The following MYOM3 variants were observed in gnomAD, a reference collection of about 807,000 sequenced individuals.
MYOM3 encodes myomesin-3.
A neutral mutation model predicts 191.7 loss-of-function variants in MYOM3; 155 were observed. That is an observed-to-expected ratio of 0.81 (90% CI 0.71 to 0.92). The LOEUF is 0.92. MYOM3 is among the 40% of genes least tolerant of loss of function. The pLI, the probability that MYOM3 is intolerant of heterozygous loss-of-function variation, is 0.00. For missense variants in MYOM3, 1,889 were observed against 1,890.6 expected (o/e 1.00, Z 0.02); for synonymous variants, 757 against 762.9 (o/e 0.99, Z 0.13).
chr1:24,070,641 A>G (rs753292708), intron 25 of MYOM3, among the ~76,000 whole-genome samples: 23 of 152,194 alleles, frequency 1.5e-4, no homozygotes, highest in Non-Finnish European at 2.8e-4. Flanking sequence ...AGACTGAGGC[A>G]GAAGGAGTAC....
At chr1:24,093,187 T>G in intron 9 of MYOM3, 79 bp from the exon 10 acceptor site, 2 of 863,740 alleles carry the variant, frequency 2.3e-6, no homozygotes, top group South Asian at 1.5e-5. Context: ...CTGGGGGGTC[T>G]GGAGACCCTG....
chr1:24,081,542 A>C, intron 18 of MYOM3, 86 bp from the exon 19 acceptor site: 1 of 1,503,806 alleles, frequency 6.6e-7, no homozygotes, highest in Non-Finnish European at 9.1e-7. Flanking sequence ...GACTCAGAGC[A>C]GGTGGTCTGT....
chr1:24,069,516 A>G (rs1276708343), intron 25 of MYOM3, among the ~76,000 whole-genome samples: 1 of 152,134 alleles, frequency 6.6e-6, no homozygotes, highest in Non-Finnish European at 1.5e-5. Flanking sequence ...CCCTCTTTCT[A>G]TAATACATGT....
intron 5 of MYOM3, among the ~76,000 whole-genome samples, chr1:24,104,080 C>T (rs1643962561): frequency 6.6e-6 from 1 of 152,186 alleles, no homozygotes; most frequent in African/African-American, 2.4e-5. Context: ...TTAGATAAGT[C>T]ACACTACCTC....
intron 15 of MYOM3, among the ~76,000 whole-genome samples, chr1:24,086,207 CCCGT>C (rs1449911251): frequency 6.6e-6 from 1 of 152,096 alleles, no homozygotes; most frequent in Non-Finnish European, 1.5e-5. Context: ...TCCCAGGTCC[CCCGT>C]TATGCTGCAG....
chr1:24,100,385 AAG>A (rs1367343462), intron 5 of MYOM3, among the ~76,000 whole-genome samples: 1 of 152,122 alleles, frequency 6.6e-6, no homozygotes, highest in African/African-American at 2.4e-5. Flanking sequence ...GGGGGCAGAG[AAG>A]AGGGAGCCTG....
intron 13 of MYOM3, 129 bp downstream of exon 13, chr1:24,089,936 C>A: frequency 1.0e-6 from 1 of 961,948 alleles, no homozygotes; most frequent in Non-Finnish European, 1.6e-6. Flanking sequence ...CTGACTGCCT[C>A]CAACTAGGCC....
chr1:24,078,110 A>G (rs895633369), intron 20 of MYOM3, among the ~76,000 whole-genome samples: 3 of 149,272 alleles, frequency 2.0e-5, no homozygotes, highest in Admixed American at 1.3e-4. Context: ...ATTTAGTAAC[A>G]GTATTTTTAG....
chr1:24,097,598 C>G (rs1159071123), intron 7 of MYOM3, among the ~76,000 whole-genome samples: 1 of 152,214 alleles, frequency 6.6e-6, no homozygotes, highest in African/African-American at 2.4e-5. Flanking sequence ...CAGGTACTAT[C>G]AAGGGTGTCT....
At chr1:24,095,072 G>A in intron 8 of MYOM3, 82 bp from the exon 9 acceptor site, 2 of 1,451,822 alleles carry the variant, frequency 1.4e-6, no homozygotes, top group Non-Finnish European at 1.9e-6. Flanking sequence ...AAATTTCTGG[G>A]GCATCCCTTC....
chr1:24,089,677 G>C lies in MYOM3; in HGVS notation c.1487-12C>G. ...GATGGTCACAGTATCTGAAATCAGA[G>C]TCACCCGGGACCGAGATGGTTGGAC... is the stretch of plus-strand genomic sequence containing the variant. On this transcript the variant is annotated splice_polypyrimidine_tract_variant and intron_variant, in intron 13 of 36. Transcript: ENST00000374434. 4 of 1,570,128 alleles carry C rather than the reference G, an allele frequency of 2.5e-6. No homozygotes were observed. The highest frequency in any genetic ancestry group is 3.5e-6 in the Non-Finnish European group (4 of 1,157,296).
At chr1:24,079,695 T>C (rs959512518) in intron 20 of MYOM3, among the ~76,000 whole-genome samples, 1 of 152,222 alleles carries the variant, frequency 6.6e-6, no homozygotes, top group Non-Finnish European at 1.5e-5. Flanking sequence ...CTTTGCACGT[T>C]TGCCTAATTA....
chr1:24,064,179 A>T lies in MYOM3; in HGVS notation c.3535-20T>A, dbSNP rs1023300876. 1.2e-6 allele frequency: 2 copies of T among 1,601,248 alleles called. No homozygotes were observed. The highest frequency in any genetic ancestry group is 2.2e-5 in the East Asian group (1 of 44,800). On this transcript the variant is annotated intron_variant, in intron 29 of 36. Transcript: ENST00000374434. ...GGACAACTGGAAAGAAGGATGAGCG[A>T]TGGTGGTGTCAGCATGGGCTCCAGA...
In MYOM3 at chr1:24,058,917, T is replaced by C; in HGVS notation, c.4050+7A>G. The C allele has an allele frequency of 6.2e-7, 1 of 1,604,480 alleles. No homozygotes were observed. Among genetic ancestry groups the C allele is most frequent in the Non-Finnish European group, 8.5e-7 (1 of 1,174,432 alleles). ...ACTGCTGGCTGTGGGCTGGGAAGGG[T>C]CAGTACCTTATCTTCCATGATAGTG... On this transcript the variant is annotated splice_region_variant and intron_variant, in intron 36 of 36. Transcript: ENST00000374434.
chr1:24,064,293 T>A, intron 29 of MYOM3, 134 bp from the exon 30 acceptor site: 1 of 627,326 alleles, frequency 1.6e-6, no homozygotes, highest in Non-Finnish European at 2.8e-6. Flanking sequence ...TTCTCCTCCC[T>A]GGGCCTCCAT....
Position 24,092,219 on chromosome 1 carries a change from G to A in MYOM3, c.1187C>T (p.Pro396Leu), listed in dbSNP as rs1384640468. The A allele has an allele frequency of 1.4e-6, 2 of 1,449,888 alleles. No homozygotes were observed. Among genetic ancestry groups the A allele is most frequent in the Non-Finnish European group, 9.1e-7 (1 of 1,093,552 alleles). The allele number at this position is 1,449,888 out of a possible 1,614,324, so 89.8% of individuals were successfully genotyped here. A position where few individuals can be genotyped will look rare whatever the true frequency, so the allele number is the denominator to read the frequency against. ...RDCLILTWAP[P>L]SDTRGNPITA... ...GATGGGGTTGCCCCGGGTGTCACTGGGCGGGGCCCAAGTCAGGATGAGGCA... is the reference window on the plus strand; with the variant it reads ...GATGGGGTTGCCCCGGGTGTCACTGAGCGGGGCCCAAGTCAGGATGAGGCA... Residue 396 changes from proline (P) to leucine (L), a missense_variant, in exon 11 of 37, where the codon CCC becomes CTC. By Grantham distance (98) the Pro-to-Leu change is moderately conservative. Coordinates refer to ENST00000374434, the MANE Select transcript of MYOM3 (RefSeq NM_152372.4).
rs1291736932 is a variant in MYOM3, at chr1:24,111,527, C to T, written c.-19+504G>A. Among the ~76,000 whole-genome samples, 1 of 152,226 alleles carries T rather than the reference C, an allele frequency of 6.6e-6. No homozygotes were observed. The highest frequency in any genetic ancestry group is 2.4e-5 in the African/African-American group (1 of 41,454). On this transcript the variant is annotated intron_variant, in intron 1 of 36. Transcript: ENST00000374434. The surrounding 1 kb of genome is among the most constrained non-coding windows in gnomAD (Gnocchi z 4.7). ...TGAGCTGAGGCAACTCCTTTCCCGT[C>T]TGGGCCTCGGTTTCCTGTCAGGCAC...
At chr1:24,108,957 G>A (rs149730042) in intron 1 of MYOM3, among the ~76,000 whole-genome samples, 1 of 152,226 alleles carries the variant, frequency 6.6e-6, no homozygotes, top group South Asian at 2.1e-4. Flanking sequence ...CCCAGCCCTT[G>A]TCTCACTGTA....
chr1:24,084,559 C>T lies in MYOM3; in HGVS notation c.1879G>A (p.Asp627Asn), dbSNP rs778623134. ...ATGTAATAACCCAGGAGCTCTGGGT[C>T]TTTCACAGGATCCCATGTCAGGGAG... ...SVSLTWDPVKDPELLGYYIYS... is the reference protein window; with the variant it reads ...SVSLTWDPVKNPELLGYYIYS... Residue 627 changes from aspartate (D) to asparagine (N), a missense_variant, in exon 16 of 37, where the codon GAC (aspartate) becomes AAC (asparagine). Physicochemically the swap from Asp to Asn is conservative, Grantham distance 23 (BLOSUM62 1). Transcript: ENST00000374434. 6.2e-7 allele frequency: 1 copy of T among 1,613,986 alleles called. No homozygotes were observed. The highest frequency in any genetic ancestry group is 1.1e-5 in the South Asian group (1 of 91,074).
Sources: gnomAD v4.1 joint callset for allele counts (sites outside exome capture counted in the v4.1 genomes callset) on GRCh38, gnomAD v4.1.1 for gene constraint, Gnocchi (gnomAD v3.1) non-coding constraint, MANE v1.5 for transcripts, NCBI Gene and HGNC (gene_info 2026-07-23, HGNC 2026-07-21) for gene names.